VPS13B: variants seen among roughly 807,000 people sequenced by gnomAD.
The protein encoded by VPS13B is intermembrane lipid transfer protein VPS13B.
VPS13B carries 285 observed loss-of-function variants against 426.4 expected under a neutral mutation model. The observed-to-expected ratio is 0.67, with a 90% CI of 0.61 to 0.74. The LOEUF is 0.74. VPS13B is among the 30% of genes least tolerant of loss of function. VPS13B has a pLI of 0.00. For synonymous variants in VPS13B, 1,676 were observed against 1,676.4 expected, an observed-to-expected ratio of 1.00 and a Z score of 0.01; for missense variants, 4,537 against 4,782.6, an observed-to-expected ratio of 0.95 and a Z score of 1.51.
intron 36 of VPS13B, among the ~76,000 whole-genome samples, chr8:99,715,411 T>C (rs191111870): frequency 6.6e-6 from 1 of 152,312 alleles, no homozygotes; most frequent in Admixed American, 6.5e-5. Context: ...CTCATATTAT[T>C]CAGGTATCTC....
chr8:99,313,191 C>A (rs1224924212), intron 19 of VPS13B, among the ~76,000 whole-genome samples: 1 of 152,214 alleles, frequency 6.6e-6, no homozygotes, highest in African/African-American at 2.4e-5. Context: ...CTCCATCCAG[C>A]TTTGTTCCAT....
intron 19 of VPS13B, among the ~76,000 whole-genome samples, chr8:99,313,394 C>T (rs766149825): frequency 1.3e-5 from 2 of 152,178 alleles, no homozygotes; most frequent in Non-Finnish European, 1.5e-5. Flanking sequence ...ACAGTCAGGA[C>T]CTTCAGCTGC....
intron 54 of VPS13B, among the ~76,000 whole-genome samples, chr8:99,847,675 C>A (rs1438564306): frequency 6.6e-6 from 1 of 152,080 alleles, no homozygotes; most frequent in Non-Finnish European, 1.5e-5. Flanking sequence ...ATCCAGGTAA[C>A]CTGCATGCTG....
chr8:99,834,932 G>A (rs1056881125), intron 52 of VPS13B, among the ~76,000 whole-genome samples: 6 of 152,214 alleles, frequency 3.9e-5, no homozygotes, highest in African/African-American at 1.4e-4. Context: ...CATGGGGGAA[G>A]AAAAGAACAA....
intron 19 of VPS13B, among the ~76,000 whole-genome samples, chr8:99,376,289 T>C (rs1813481494): frequency 6.6e-6 from 1 of 152,220 alleles, no homozygotes; most frequent in Non-Finnish European, 1.5e-5. Flanking sequence ...GTGTGCTATT[T>C]TTAAAGGTTG....
At chr8:99,411,782 T>C (rs1333100367) in intron 21 of VPS13B, among the ~76,000 whole-genome samples, 1 of 152,266 alleles carries the variant, frequency 6.6e-6, no homozygotes, top group Non-Finnish European at 1.5e-5. Context: ...TGCATATGGC[T>C]AGCCAGTTTT....
At chr8:99,330,991 C>A (rs1323290072) in intron 19 of VPS13B, among the ~76,000 whole-genome samples, 1 of 151,816 alleles carries the variant, frequency 6.6e-6, no homozygotes, top group Admixed American at 6.6e-5. Flanking sequence ...CTTCACCTTT[C>A]AGCTTCATTC....
intron 29 of VPS13B, among the ~76,000 whole-genome samples, chr8:99,519,761 T>C (rs973163434): frequency 2.4e-5 from 3 of 123,644 alleles, no homozygotes; most frequent in Admixed American, 2.2e-4. Context: ...TGAGAACACA[T>C]GGACACAGGA....
At chr8:99,352,287 A>G (rs974695806) in intron 19 of VPS13B, among the ~76,000 whole-genome samples, 1 of 152,166 alleles carries the variant, frequency 6.6e-6, no homozygotes, top group Non-Finnish European at 1.5e-5. Flanking sequence ...ATTAACTCCT[A>G]TTACTGGTTG....
At chr8:99,871,071 G>A (rs1334739253) in intron 60 of VPS13B, 184 bp downstream of exon 60, 7 of 676,648 alleles carry the variant, frequency 1.0e-5, no homozygotes, top group Non-Finnish European at 1.8e-5. Flanking sequence ...TGCCAGGTTT[G>A]GGGCTGGCTG....
In VPS13B at chr8:99,854,054, G is replaced by A; in HGVS notation, c.10665G>A (p.Val3555=). The part of the protein sequence containing the change: ...MQVTQHARAL[V]NPVKLRKLVI... ...TCACACAGCACGCCAGGGCCTTGGT[G>A]AATCCTGTGAAGTTACGGAAACTGG... The change falls in exon 56 of 62, where the codon GTG becomes GTA. Residue 3555 remains valine (V), a synonymous_variant. Transcript: ENST00000357162. The A allele has an allele frequency of 6.2e-7, 1 of 1,613,932 alleles. No homozygotes were observed. The highest frequency in any genetic ancestry group is 8.5e-7 in the Non-Finnish European group (1 of 1,179,860).
intron 60 of VPS13B, chr8:99,871,114 A>T: frequency 1.6e-6 from 1 of 608,684 alleles, no homozygotes; most frequent in Non-Finnish European, 2.9e-6. Context: ...TAACCACTCA[A>T]GGAAGGTCAT....
chr8:99,814,334 A>G (rs1238971430), intron 44 of VPS13B, among the ~76,000 whole-genome samples: 1 of 152,202 alleles, frequency 6.6e-6, no homozygotes, highest in Non-Finnish European at 1.5e-5. Context: ...GGCAGATACT[A>G]TTCTATTTTA....
At chr8:99,172,334 T>G (rs1422906058) in intron 16 of VPS13B, among the ~76,000 whole-genome samples, 1 of 152,138 alleles carries the variant, frequency 6.6e-6, no homozygotes, top group East Asian at 1.9e-4. Context: ...GAGGGGTAAT[T>G]TTTAAGCAGG....
At chr8:99,612,563 A>G (rs1827889689) in intron 33 of VPS13B, among the ~76,000 whole-genome samples, 1 of 152,166 alleles carries the variant, frequency 6.6e-6, no homozygotes, top group African/African-American at 2.4e-5. Context: ...CTTTCTTCAA[A>G]AACCTTCATT....
intron 3 of VPS13B, among the ~76,000 whole-genome samples, chr8:99,040,064 C>A (rs1842908278): frequency 6.6e-6 from 1 of 150,978 alleles, no homozygotes; most frequent in East Asian, 1.9e-4. Context: ...TTGGTTATAC[C>A]ACCCATGCAG....
intron 3 of VPS13B, among the ~76,000 whole-genome samples, chr8:99,073,034 G>A (rs1201039061): frequency 2.6e-5 from 4 of 152,278 alleles, no homozygotes; most frequent in African/African-American, 7.2e-5. Flanking sequence ...TGTGATGCCT[G>A]TAGGTTTGTT....
intron 33 of VPS13B, among the ~76,000 whole-genome samples, chr8:99,609,894 A>G (rs1827769397): frequency 6.6e-6 from 1 of 152,230 alleles, no homozygotes; most frequent in Admixed American, 6.5e-5. Context: ...ATCAGTGCAC[A>G]TGTCAACAGG....
At chr8:99,149,116 T>C (rs1472984628) in intron 14 of VPS13B, among the ~76,000 whole-genome samples, 1 of 152,240 alleles carries the variant, frequency 6.6e-6, no homozygotes, top group African/African-American at 2.4e-5. Context: ...ATCAGGATGC[T>C]GGTACAGACT....
Sources: gnomAD v4.1 joint callset for allele counts (sites outside exome capture counted in the v4.1 genomes callset) on GRCh38, gnomAD v4.1.1 for gene constraint, MANE v1.5 for transcripts, NCBI Gene and HGNC (gene_info 2026-07-23, HGNC 2026-07-21) for gene names.